CACFD1: variants seen among roughly 807,000 people sequenced by gnomAD.
CACFD1 encodes the protein calcium channel flower homolog.
CACFD1 carries 26 observed loss-of-function variants against 21.3 expected under a neutral mutation model. That is an observed-to-expected ratio of 1.22 (90% confidence interval 0.89 to 1.69). The LOEUF (loss-of-function observed/expected upper bound fraction) is 1.69. Among genes scored for constraint, CACFD1 ranks in the 40% most tolerant of loss-of-function variants. The pLI, the probability that CACFD1 is intolerant of heterozygous loss-of-function variation, is 0.00. For synonymous variants in CACFD1, 121 were observed against 106.6 expected (o/e 1.13, Z -0.83); for missense variants, 265 against 236.2 (o/e 1.12, Z -0.80).
Position 133,463,634 on chromosome 9 carries a change from G to A in CACFD1, c.194+79G>A, listed in dbSNP as rs967442255. ...TGGGCACCTCCCGGGACAGAGGAGT[G>A]GCAGGGGCCGTGGGAGTGGGCATCC... is the stretch of plus-strand genomic sequence containing the variant. On this transcript the variant is annotated intron_variant, in intron 2 of 4. Coordinates refer to ENST00000316948, the MANE Select transcript of CACFD1 (RefSeq NM_017586.5). 1.1e-5 allele frequency: 16 copies of A among 1,471,884 alleles called. No homozygotes were observed. In the Admixed American group the frequency reaches 2.0e-4, roughly 19 times the overall value. The allele number at this position is 1,471,884 out of a possible 1,614,324, so 91.2% of individuals were successfully genotyped here.
intron 2 of CACFD1, among the ~76,000 whole-genome samples, chr9:133,464,691 G>A (rs1843361616): frequency 6.6e-6 from 1 of 152,176 alleles, no homozygotes; most frequent in Admixed American, 6.5e-5. Context: ...GTCACCAGTG[G>A]CTTAGCTGTT....
At chr9:133,463,728 C>G (rs990406311) in intron 2 of CACFD1, among the ~76,000 whole-genome samples, 173 bp downstream of exon 2, 1 of 152,228 alleles carries the variant, frequency 6.6e-6, no homozygotes, top group African/African-American at 2.4e-5. Flanking sequence ...CCACAGCATG[C>G]GGCTTCTTCC....
In CACFD1 at chr9:133,460,243, T is replaced by C. The variant is rs587742091; in HGVS notation, c.121+56T>C. 8.9e-4 allele frequency: 1,253 copies of C among 1,409,692 alleles called. 14 individuals are homozygous for C. In the Middle Eastern group the frequency reaches 0.011, roughly 13 times the overall value. 87.3% of individuals were successfully genotyped at this position (1,409,692 alleles called of 1,614,324 possible). On this transcript the variant is annotated intron_variant, in intron 1 of 4. Transcript: ENST00000316948. ...CCCGCCGCGCATGCGCTCCTCGCCC[T>C]GCCCTGCCCCGCCCCGCCCCGGCGG...
chr9:133,464,768 C>T (rs753656610), intron 2 of CACFD1, among the ~76,000 whole-genome samples: 29 of 152,098 alleles, frequency 1.9e-4, no homozygotes, highest in Non-Finnish European at 3.7e-4. Flanking sequence ...GTGGGCTTCC[C>T]CTGGGTGTCC....
intron 1 of CACFD1, among the ~76,000 whole-genome samples, 156 bp downstream of exon 1, chr9:133,460,343 CG>C (rs1161352684): frequency 1.3e-5 from 2 of 151,870 alleles, no homozygotes; most frequent in Non-Finnish European, 2.9e-5. Flanking sequence ...GCGGGGCCGC[CG>C]GGAGCCGGCG....
chr9:133,465,578 CT>C lies in CACFD1; in HGVS notation c.320+134del, dbSNP rs1286220264. On this transcript the variant is annotated intron_variant, in intron 3 of 4. Transcript: ENST00000316948. The surrounding 1 kb of genome is among the most constrained non-coding windows in gnomAD (Gnocchi z 5.0). The stretch of plus-strand genomic sequence containing the variant: ...CTGTGGAAGTGTAAACTGGGATTGC[CT>C]TTGTGCACAGTGATTTGCTCATAGC... 8.9e-5 allele frequency: 86 copies of C among 963,322 alleles called. No homozygotes were observed. The highest frequency in any genetic ancestry group is 1.2e-4 in the Non-Finnish European group (80 of 649,144). The allele number at this position is 963,322 out of a possible 1,614,324, so 59.7% of individuals were successfully genotyped here.
At position 133,462,367 on chromosome 9, in the gene CACFD1, G is replaced by A. The variant is rs587724553; in HGVS notation, c.122-1116G>A. On this transcript the variant is annotated intron_variant, in intron 1 of 4. Coordinates refer to ENST00000316948, the MANE Select transcript of CACFD1 (RefSeq NM_017586.5). Reference sequence around the variant, plus strand: ...AGGCTGTGCTGAGGAGCAGTGCAACGCTTGAGTCCTTTGTTTTAGAAGGAG... The same window carrying A: ...AGGCTGTGCTGAGGAGCAGTGCAACACTTGAGTCCTTTGTTTTAGAAGGAG... 1.1e-5 allele frequency: 13 copies of A among 1,130,462 alleles called. No individual in the cohort carries two copies. The African/African-American group carries it at 1.3e-4, about 11-fold the overall frequency. The allele number at this position is 1,130,462 out of a possible 1,614,324, so 70.0% of individuals were successfully genotyped here.
chr9:133,460,062 G>A lies in CACFD1; in HGVS notation c.-5G>A. 1 of 1,556,916 alleles carries A rather than the reference G, an allele frequency of 6.4e-7. No homozygotes were observed. Among genetic ancestry groups the A allele is most frequent in the South Asian group, 1.2e-5 (1 of 85,466 alleles). On this transcript the variant is annotated 5_prime_UTR_variant, in exon 1 of 5. Transcript: ENST00000316948. Reference sequence around the variant, plus strand: ...GGGCTGTGAGCTGCGCCTGACGGTGGCACCATGAGCAGCTCAGGTGGGGCG... The same window carrying A: ...GGGCTGTGAGCTGCGCCTGACGGTGACACCATGAGCAGCTCAGGTGGGGCG...
intron 3 of CACFD1, among the ~76,000 whole-genome samples, 178 bp from the exon 4 acceptor site, chr9:133,467,743 T>A (rs914181858): frequency 3.9e-5 from 6 of 152,206 alleles, no homozygotes; most frequent in Admixed American, 2.0e-4. Flanking sequence ...ATGGAACAGT[T>A]TTACAGACAA....
chr9:133,468,319 T>G (rs782312820), intron 4 of CACFD1: 31 of 1,533,134 alleles, frequency 2.0e-5, no homozygotes, highest in Non-Finnish European at 2.7e-5. Flanking sequence ...TTGTACTCAG[T>G]TGCCACCCTC....
At position 133,465,231 on chromosome 9, in the gene CACFD1, G is replaced by A. The variant is rs1843385987; in HGVS notation, c.195-91G>A. ...GGGATGAGGGCAGGAGGGTGAGGGA[G>A]GTGGCATTCCTTATGGCACTGGCAC... On this transcript the variant is annotated intron_variant, in intron 2 of 4. Transcript: ENST00000316948. The surrounding 1 kb of genome is among the most constrained non-coding windows in gnomAD (Gnocchi z 5.0). 4.8e-6 allele frequency: 7 copies of A among 1,447,640 alleles called. No homozygotes were observed. The South Asian group carries it at 6.9e-5, about 14-fold the overall frequency. 89.7% of individuals were successfully genotyped at this position (1,447,640 alleles called of 1,614,324 possible).
chr9:133,468,891 C>T lies in CACFD1; in HGVS notation c.*238C>T. On this transcript the variant is annotated 3_prime_UTR_variant, in exon 5 of 5. Transcript: ENST00000316948. ...CTGCAGCAGCTGTGTGGACACTACC[C>T]AGCCCTACTCCTCTGCTGGGTGGGT... 1 of 603,140 alleles carries T rather than the reference C, an allele frequency of 1.7e-6. No individual in the cohort carries two copies. Among genetic ancestry groups the T allele is most frequent in the Non-Finnish European group, 2.8e-6 (1 of 362,546 alleles). 37.4% of individuals were successfully genotyped at this position (603,140 alleles called of 1,614,324 possible).
Position 133,465,121 on chromosome 9 carries a change from G to A in CACFD1, c.195-201G>A. On this transcript the variant is annotated intron_variant, in intron 2 of 4. Coordinates refer to ENST00000316948, the MANE Select transcript of CACFD1 (RefSeq NM_017586.5). The surrounding 1 kb of genome is among the most constrained non-coding windows in gnomAD (Gnocchi z 5.0). Reference sequence around the variant, plus strand: ...GGGAGATGGGTGTGCAGGAGCAGCTGGGGAGTGCTGGAGTCTTCAGCAGAG... The same window carrying A: ...GGGAGATGGGTGTGCAGGAGCAGCTAGGGAGTGCTGGAGTCTTCAGCAGAG... 1.7e-6 allele frequency: 1 copy of A among 600,074 alleles called. No individual in the cohort carries two copies. Among genetic ancestry groups the A allele is most frequent in the Non-Finnish European group, 3.0e-6 (1 of 337,110 alleles). 37.2% of individuals were successfully genotyped at this position (600,074 alleles called of 1,614,324 possible).
rs1488373672 is a variant in CACFD1, at chr9:133,460,018, G to A, written c.-49G>A. On this transcript the variant is annotated 5_prime_UTR_variant, in exon 1 of 5. Coordinates refer to ENST00000316948, the MANE Select transcript of CACFD1 (RefSeq NM_017586.5). ...CAGCGCGCCGGCTCGGACGCGGCCGGCTACCGAGCCCTTTGTGAGGGCTGT... is the reference window on the plus strand; with the variant it reads ...CAGCGCGCCGGCTCGGACGCGGCCGACTACCGAGCCCTTTGTGAGGGCTGT... 2.7e-6 allele frequency: 4 copies of A among 1,485,030 alleles called. No homozygotes were observed. In the African/African-American group the frequency reaches 4.4e-5, roughly 16 times the overall value. The allele number at this position is 1,485,030 out of a possible 1,614,324, so 92.0% of individuals were successfully genotyped here. A position where few individuals can be genotyped will look rare whatever the true frequency, so the allele number is the denominator to read the frequency against.
At chr9:133,464,253 G>A (rs764198946) in intron 2 of CACFD1, among the ~76,000 whole-genome samples, 4 of 152,190 alleles carry the variant, frequency 2.6e-5, no homozygotes, top group Non-Finnish European at 5.9e-5. Context: ...TTCAGGTCCC[G>A]TCCCCAGTGA....
At chr9:133,468,077 C>T (rs781837702) in intron 4 of CACFD1, 49 bp downstream of exon 4, 53 of 1,471,974 alleles carry the variant, frequency 3.6e-5, no homozygotes, top group Non-Finnish European at 5.0e-5. Context: ...TCCCTCCGCC[C>T]CCCGAAGTCC....
At chr9:133,463,126 A>C (rs1450681527) in intron 1 of CACFD1, among the ~76,000 whole-genome samples, 2 of 152,300 alleles carry the variant, frequency 1.3e-5, no homozygotes, top group Middle Eastern at 6.8e-3. Flanking sequence ...TGAATCCTTG[A>C]GGGACATTCA....
rs782406708 is a variant in CACFD1, at chr9:133,468,734, G to T, written c.*81G>T. On this transcript the variant is annotated 3_prime_UTR_variant, in exon 5 of 5. Coordinates refer to ENST00000316948, the MANE Select transcript of CACFD1 (RefSeq NM_017586.5). ...TGAGGCCTGGACTGTCCACGCTGAG[G>T]CACAGCCTGGAGAGGGGCCTTTGCA... 8.8e-6 allele frequency: 13 copies of T among 1,470,550 alleles called. No homozygotes were observed. In the Admixed American group the frequency reaches 2.8e-4, roughly 32 times the overall value. 91.1% of individuals were successfully genotyped at this position (1,470,550 alleles called of 1,614,324 possible).
chr9:133,460,202 G>C lies in CACFD1; in HGVS notation c.121+15G>C, dbSNP rs782387178. The C allele has an allele frequency of 3.9e-6, 6 of 1,523,430 alleles. No individual in the cohort carries two copies. Among genetic ancestry groups the C allele is most frequent in the South Asian group, 1.2e-5 (1 of 81,766 alleles). The allele number at this position is 1,523,430 out of a possible 1,614,324, so 94.4% of individuals were successfully genotyped here. ...GGGGGCAGTCTGTGAGTATCCAGTC[G>C]GGGAGAGGGGCCGGCCCCGCCGCGC... On this transcript the variant is annotated intron_variant, in intron 1 of 4. Coordinates refer to ENST00000316948, the MANE Select transcript of CACFD1 (RefSeq NM_017586.5).
Sources: gnomAD v4.1 joint callset for allele counts (sites outside exome capture counted in the v4.1 genomes callset) on GRCh38, gnomAD v4.1.1 for gene constraint, Gnocchi (gnomAD v3.1) non-coding constraint, MANE v1.5 for transcripts, NCBI Gene and HGNC (gene_info 2026-07-23, HGNC 2026-07-21) for gene names.